MAGI2: variants seen among roughly 807,000 people sequenced by gnomAD.
MAGI2 encodes the protein membrane-associated guanylate kinase, WW and PDZ domain-containing protein 2.
In MAGI2, 35 loss-of-function variants were observed where a neutral mutation model predicts 133.3. The observed-to-expected ratio is 0.26, with a 90% CI of 0.20 to 0.35. The LOEUF (loss-of-function observed/expected upper bound fraction) is 0.35. Ranked by LOEUF, MAGI2 falls within the 10% of genes least tolerant of loss-of-function variation. The probability of loss-of-function intolerance (pLI) is 1.00; values close to 1 mark genes in which losing one functional copy is unlikely to be tolerated. For synonymous variants in MAGI2, 729 were observed against 710.6 expected, an observed-to-expected ratio of 1.03 and a Z score of -0.41; for missense variants, 1,636 against 1,863.4, an observed-to-expected ratio of 0.88 and a Z score of 2.25.
chr7:78,636,560 A>T (rs1157427523), intron 2 of MAGI2, among the ~76,000 whole-genome samples: 1 of 152,106 alleles, frequency 6.6e-6, no homozygotes, highest in Non-Finnish European at 1.5e-5. Flanking sequence ...GCACTTTGGG[A>T]GGCCGAGGTG....
chr7:78,344,322 T>C (rs371844604), intron 8 of MAGI2, among the ~76,000 whole-genome samples: 2 of 152,294 alleles, frequency 1.3e-5, no homozygotes, highest in East Asian at 3.9e-4. Context: ...AGACAACATC[T>C]GGATCTGTTC....
chr7:78,600,725 G>A (rs1805109762), intron 3 of MAGI2, among the ~76,000 whole-genome samples: 2 of 152,096 alleles, frequency 1.3e-5, no homozygotes, highest in South Asian at 2.1e-4. Flanking sequence ...GATTACACAC[G>A]AGGGGAGGTG....
chr7:78,479,585 C>T (rs901734572), intron 6 of MAGI2, among the ~76,000 whole-genome samples: 2 of 151,902 alleles, frequency 1.3e-5, no homozygotes, highest in Non-Finnish European at 2.9e-5. Context: ...CTAAATGCAT[C>T]TGAAACCACA....
intron 1 of MAGI2, chr7:79,414,410 A>G (rs1175584852): frequency 6.6e-6 from 1 of 152,162 alleles, no homozygotes; most frequent in African/African-American, 2.4e-5. Flanking sequence ...TTATAAAGAC[A>G]GTAACTGGTG....
At chr7:78,848,303 C>T (rs1792805148) in intron 2 of MAGI2, among the ~76,000 whole-genome samples, 2 of 151,862 alleles carry the variant, frequency 1.3e-5, no homozygotes, top group Non-Finnish European at 2.9e-5. Flanking sequence ...TCTCCTCATT[C>T]CTTCACCCTC....
intron 2 of MAGI2, among the ~76,000 whole-genome samples, chr7:78,753,868 G>A (rs1823690446): frequency 6.6e-6 from 1 of 152,014 alleles, no homozygotes. Context: ...GACAATGGAG[G>A]CCAGAAAAGT....
intron 1 of MAGI2, among the ~76,000 whole-genome samples, chr7:79,449,869 G>GATAT (rs1849111416): frequency 3.2e-5 from 2 of 62,654 alleles, no homozygotes; most frequent in African/African-American, 1.2e-4. Context: ...AACACTGTGA[G>GATAT]ATATATACAT....
chr7:78,398,252 G>A (rs1226717823), intron 6 of MAGI2, among the ~76,000 whole-genome samples: 1 of 152,152 alleles, frequency 6.6e-6, no homozygotes, highest in Non-Finnish European at 1.5e-5. Context: ...GTTCTTATAA[G>A]AGAACAGCTG....
intron 2 of MAGI2, among the ~76,000 whole-genome samples, chr7:78,646,255 A>T (rs1810881572): frequency 2.0e-5 from 3 of 152,114 alleles, no homozygotes; most frequent in Non-Finnish European, 4.4e-5. Flanking sequence ...AGTGGAATAC[A>T]CTCAGTTGTT....
chr7:79,175,263 A>G (rs1309169808), intron 1 of MAGI2, among the ~76,000 whole-genome samples: 1 of 151,914 alleles, frequency 6.6e-6, no homozygotes, highest in East Asian at 1.9e-4. Flanking sequence ...ATAGATGTGG[A>G]GATTATAGGT....
intron 2 of MAGI2, among the ~76,000 whole-genome samples, chr7:78,836,990 T>C (rs185424842): frequency 6.6e-6 from 1 of 152,322 alleles, no homozygotes; most frequent in East Asian, 1.9e-4. Flanking sequence ...CTTGCTGTGG[T>C]GAATTATAAT....
At chr7:78,935,864 C>T (rs530156606) in intron 2 of MAGI2, among the ~76,000 whole-genome samples, 47 of 152,168 alleles carry the variant, frequency 3.1e-4, no homozygotes, top group Non-Finnish European at 5.6e-4. Context: ...CCCTACATGT[C>T]ACTGAGACAT....
Position 78,808,326 on chromosome 7 carries a change from G to A in MAGI2, c.419-181087C>T, listed in dbSNP as rs560313063. 6.3e-4 allele frequency among the ~76,000 whole-genome samples: 96 copies of A among 151,874 alleles called. 1 individual carries two copies. The highest frequency in any genetic ancestry group is 8.8e-4 in the Non-Finnish European group (60 of 67,980). Reference sequence around the variant, plus strand: ...GGCTGGAGTGCAGTGGCATGATCTCGGCTCACTGCAACTTCCACCTCCCAA... The same window carrying A: ...GGCTGGAGTGCAGTGGCATGATCTCAGCTCACTGCAACTTCCACCTCCCAA... On this transcript the variant is annotated intron_variant, in intron 2 of 21. Transcript: ENST00000354212.
At chr7:78,408,682 G>C (rs115816412) in intron 6 of MAGI2, among the ~76,000 whole-genome samples, 1 of 151,998 alleles carries the variant, frequency 6.6e-6, no homozygotes, top group African/African-American at 2.4e-5. Context: ...TTTAAATTGC[G>C]ATGTGCTGAA....
At position 78,831,461 on chromosome 7, in the gene MAGI2, G is replaced by A. The variant is rs192728509; in HGVS notation, c.418+175629C>T. 1.8e-4 allele frequency among the ~76,000 whole-genome samples: 28 copies of A among 151,946 alleles called. No individual in the cohort carries two copies. The East Asian group carries it at 5.0e-3, about 27-fold the overall frequency. On this transcript the variant is annotated intron_variant, in intron 2 of 21. Coordinates refer to ENST00000354212, the MANE Select transcript of MAGI2 (RefSeq NM_012301.4). ...CTGTCACCCAGGCTGGGGTGCAGTG[G>A]CACAATCTCAGTTCACTGCAGCTCA...
chr7:78,759,941 T>C (rs1824319041), intron 2 of MAGI2, among the ~76,000 whole-genome samples: 1 of 151,934 alleles, frequency 6.6e-6, no homozygotes, highest in African/African-American at 2.4e-5. Flanking sequence ...GCCCGGCCAA[T>C]ATGTCTCTAC....
intron 1 of MAGI2, among the ~76,000 whole-genome samples, chr7:79,038,809 T>C (rs1161955267): frequency 6.6e-6 from 1 of 152,234 alleles, no homozygotes; most frequent in Non-Finnish European, 1.5e-5. Context: ...TTTTAAATTC[T>C]ATTCATGTTG....
intron 21 of MAGI2, among the ~76,000 whole-genome samples, chr7:78,069,224 G>A (rs1270381541): frequency 6.6e-6 from 1 of 152,164 alleles, no homozygotes; most frequent in East Asian, 1.9e-4. Context: ...GCCATGGACA[G>A]AAAGAGGACA....
At chr7:78,271,614 T>C (rs1358651887) in intron 9 of MAGI2, among the ~76,000 whole-genome samples, 1 of 152,218 alleles carries the variant, frequency 6.6e-6, no homozygotes, top group African/African-American at 2.4e-5. Flanking sequence ...GGCTATTAAT[T>C]ATTGCCTCAA....
Sources: allele counts gnomAD v4.1 joint callset (sites outside exome capture counted in the v4.1 genomes callset), GRCh38; gene constraint gnomAD v4.1.1; transcripts MANE v1.5; gene names NCBI Gene and HGNC (gene_info 2026-07-23, HGNC 2026-07-21).